CRY1: variants seen among roughly 807,000 people sequenced by gnomAD.
CRY1 encodes the protein cryptochrome circadian regulator 1, also known as cryptochrome-1.
A neutral mutation model predicts 76.0 loss-of-function variants in CRY1; 45 were observed. The ratio of observed to expected loss-of-function variants is 0.59; its 90% CI spans 0.47 to 0.76. The LOEUF (loss-of-function observed/expected upper bound fraction) is 0.76, where lower values mean the gene tolerates loss of function less well. Ranked by LOEUF, CRY1 falls within the 30% of genes least tolerant of loss-of-function variation. The pLI, the probability that CRY1 is intolerant of heterozygous loss-of-function variation, is 0.00. For synonymous variants in CRY1, 248 were observed against 244.0 expected (o/e 1.02, Z -0.15); for missense variants, 587 against 716.4 (o/e 0.82, Z 2.06).
rs1232103250 is a variant in CRY1 at position 107,009,560 on chromosome 12, A to AC, written c.268-4313_268-4312insG. The stretch of plus-strand genomic sequence containing the variant: ...TCTCAGAAAAAACAAAAAAACAAAA[A>AC]AACATATATATATATATATATATAT... On this transcript the variant is annotated intron_variant, in intron 2 of 12. Coordinates refer to ENST00000008527, the MANE Select transcript of CRY1 (RefSeq NM_004075.5). Among the ~76,000 whole-genome samples the AC allele has an allele frequency of 1.2e-3, 36 of 31,070 alleles. 2 individuals are homozygous for AC. Among genetic ancestry groups the AC allele is most frequent in the African/African-American group, 2.4e-3 (25 of 10,464 alleles). The allele number at this position is 31,070 out of a possible 152,430, so 20.4% of individuals were successfully genotyped here.
chr12:107,001,783 G>T lies in CRY1; in HGVS notation c.576C>A (p.Val192=). ...ACTCACCTAGCTCTTCCAGTGAAGG[G>T]ACTCCATATTTCTCATCATGGTCAT... The part of the protein sequence containing the change: ...LSDDHDEKYG[V]PSLEELGFDT... Residue 192 remains valine, a synonymous_variant, in exon 4 of 13, where the codon GTC becomes GTA. Transcript: ENST00000008527. The T allele has an allele frequency of 6.4e-7, 1 of 1,560,084 alleles. No individual in the cohort carries two copies. The highest frequency in any genetic ancestry group is 2.3e-5 in the Admixed American group (1 of 43,604).
At chr12:107,063,827 A>C (rs950326202) in intron 1 of CRY1, among the ~76,000 whole-genome samples, 4 of 151,918 alleles carry the variant, frequency 2.6e-5, no homozygotes, top group Non-Finnish European at 5.9e-5. Flanking sequence ...CGAATCCCTG[A>C]CCTCATGTGA....
At chr12:107,076,629 A>C (rs542618106) in intron 1 of CRY1, among the ~76,000 whole-genome samples, 254 of 152,028 alleles carry the variant, frequency 1.7e-3, no homozygotes, top group African/African-American at 5.2e-3. Context: ...AAAAAAAAAA[A>C]AAAAAACCTC....
intron 1 of CRY1, among the ~76,000 whole-genome samples, chr12:107,078,795 A>G (rs1953288399): frequency 6.6e-6 from 1 of 152,128 alleles, no homozygotes; most frequent in African/African-American, 2.4e-5. Context: ...TCACAGAGGC[A>G]CAAAGTATGA....
chr12:107,085,436 G>A, intron 1 of CRY1, among the ~76,000 whole-genome samples: 1 of 152,146 alleles, frequency 6.6e-6, no homozygotes, highest in Non-Finnish European at 1.5e-5. Flanking sequence ...ATGATAGACT[G>A]GATAAAGAAA....
rs1412613683 is a variant in CRY1, at chr12:107,005,142, A to G, written c.374T>C (p.Ile125Thr). ...ATATAATGTATGTGAAATTCTTACA[A>G]TGACTTCTACTCCAGCTTCAGTTGC... ...KLATEAGVEV[I>T]VRISHTLYDL... Residue 125 changes from isoleucine to threonine, a missense_variant, in exon 3 of 13, where the codon ATT (isoleucine) becomes ACT (threonine). Transcript: ENST00000008527. 3 of 1,613,508 alleles carry G rather than the reference A, an allele frequency of 1.9e-6. No individual in the cohort carries two copies. Among genetic ancestry groups the G allele is most frequent in the Non-Finnish European group, 1.7e-6 (2 of 1,179,840 alleles).
chr12:107,053,313 G>A (rs960930806), intron 1 of CRY1, among the ~76,000 whole-genome samples: 1 of 152,030 alleles, frequency 6.6e-6, no homozygotes, highest in Non-Finnish European at 1.5e-5. Flanking sequence ...TCTAACACAC[G>A]TACAAATGTA....
At chr12:107,078,353 A>C (rs1414632333) in intron 1 of CRY1, among the ~76,000 whole-genome samples, 1 of 152,074 alleles carries the variant, frequency 6.6e-6, no homozygotes, top group Non-Finnish European at 1.5e-5. Context: ...TTTTTCCTAC[A>C]TAATTGTCAA....
chr12:106,993,214 T>C (rs1005689907), intron 10 of CRY1, among the ~76,000 whole-genome samples, 178 bp from the exon 11 acceptor site: 6 of 152,072 alleles, frequency 3.9e-5, no homozygotes, highest in African/African-American at 1.4e-4. Flanking sequence ...AAAACTTAAA[T>C]TTAGGCTCAC....
At chr12:107,049,546 T>G (rs1033287760) in intron 1 of CRY1, among the ~76,000 whole-genome samples, 2 of 152,118 alleles carry the variant, frequency 1.3e-5, no homozygotes, top group Admixed American at 1.3e-4. Flanking sequence ...GACTAATTTT[T>G]GTATTTTTTT....
chr12:107,016,335 A>C lies in CRY1; in HGVS notation c.267+5749T>G, dbSNP rs1952498130. ...AAAAAACAAAAATAAAATAAAACAA[A>C]ACAAAAGAAAGAAATAGCACTCCCA... On this transcript the variant is annotated intron_variant, in intron 2 of 12. Transcript: ENST00000008527. 1.3e-5 allele frequency among the ~76,000 whole-genome samples: 2 copies of C among 152,146 alleles called. 1 individual carries two copies. The highest frequency in any genetic ancestry group is 4.1e-4 in the South Asian group (2 of 4,836).
At chr12:107,073,629 T>A (rs916635741) in intron 1 of CRY1, among the ~76,000 whole-genome samples, 1 of 152,054 alleles carries the variant, frequency 6.6e-6, no homozygotes, top group Non-Finnish European at 1.5e-5. Flanking sequence ...CCAGGGAGGC[T>A]GAGGCAGAAG....
intron 1 of CRY1, among the ~76,000 whole-genome samples, chr12:107,063,441 C>G (rs909508115): frequency 1.3e-5 from 2 of 152,156 alleles, no homozygotes; most frequent in African/African-American, 4.8e-5. Flanking sequence ...GTTTCCCTGC[C>G]TCACCACTTA....
Position 107,023,231 on chromosome 12 carries a change from G to C in CRY1, c.159-1039C>G, listed in dbSNP as rs571499929. On this transcript the variant is annotated intron_variant, in intron 1 of 12. Coordinates refer to ENST00000008527, the MANE Select transcript of CRY1 (RefSeq NM_004075.5). ...ATAGCAATTATCTCTTACTTGTGAA[G>C]AGGAGTGATTAAGAAGCAGGGAAAT... Among the ~76,000 whole-genome samples the C allele has an allele frequency of 6.6e-5, 10 of 152,318 alleles. No homozygotes were observed. The East Asian group carries it at 1.2e-3, about 18-fold the overall frequency.
At chr12:107,081,007 G>A (rs1194462849) in intron 1 of CRY1, among the ~76,000 whole-genome samples, 1 of 152,032 alleles carries the variant, frequency 6.6e-6, no homozygotes, top group East Asian at 1.9e-4. Context: ...AGAAGAAAAG[G>A]TAAGAATAAA....
At chr12:106,997,743 A>C in intron 8 of CRY1, 53 bp from the exon 9 acceptor site, 1 of 1,596,802 alleles carries the variant, frequency 6.3e-7, no homozygotes, top group Non-Finnish European at 8.6e-7. Flanking sequence ...AGCAAACTAT[A>C]ACTACTAGCT....
At chr12:107,052,510 C>G (rs1952934999) in intron 1 of CRY1, among the ~76,000 whole-genome samples, 1 of 151,940 alleles carries the variant, frequency 6.6e-6, no homozygotes, top group Non-Finnish European at 1.5e-5. Context: ...AATACAAAAA[C>G]AGTAAAGCAA....
chr12:107,046,745 C>T (rs1952853068), intron 1 of CRY1, among the ~76,000 whole-genome samples: 1 of 152,092 alleles, frequency 6.6e-6, no homozygotes, highest in African/African-American at 2.4e-5. Flanking sequence ...GCAATATTTA[C>T]ACTAGACAAA....
At chr12:107,066,707 A>C (rs1004915945) in intron 1 of CRY1, among the ~76,000 whole-genome samples, 1 of 150,484 alleles carries the variant, frequency 6.6e-6, no homozygotes, top group Non-Finnish European at 1.5e-5. Flanking sequence ...CTCAACATCC[A>C]CCCGCCTCGG....
Sources: allele counts gnomAD v4.1 joint callset (sites outside exome capture counted in the v4.1 genomes callset), GRCh38; gene constraint gnomAD v4.1.1; transcripts MANE v1.5; gene names NCBI Gene and HGNC (gene_info 2026-07-23, HGNC 2026-07-21).